The following TRPM6 variants were observed in gnomAD, a reference collection of about 807,000 sequenced individuals.
TRPM6 encodes transient receptor potential cation channel subfamily M member 6.
Under a neutral mutation model 247.6 loss-of-function variants are expected in TRPM6, and 111 were observed. The ratio of observed to expected loss-of-function variants is 0.45; its 90% CI spans 0.38 to 0.52. The LOEUF (loss-of-function observed/expected upper bound fraction) is 0.52. TRPM6 is among the 20% of genes least tolerant of loss of function. The pLI is 0.00. For synonymous variants in TRPM6, 892 were observed against 853.8 expected, an observed-to-expected ratio of 1.04 and a Z score of -0.78; for missense variants, 2,126 against 2,421.5, an observed-to-expected ratio of 0.88 and a Z score of 2.56.
At chr9:74,824,805 A>AC (rs1403860417) in intron 7 of TRPM6, among the ~76,000 whole-genome samples, 2 of 152,208 alleles carry the variant, frequency 1.3e-5, no homozygotes, top group African/African-American at 2.4e-5. Flanking sequence ...TTAGAGTCTT[A>AC]CAAAACAGAA....
intron 23 of TRPM6, among the ~76,000 whole-genome samples, chr9:74,778,715 C>G (rs549765667): frequency 1.3e-5 from 2 of 152,156 alleles, no homozygotes; most frequent in South Asian, 4.1e-4. Flanking sequence ...AGACTTGGCT[C>G]CCACTCAAAA....
intron 3 of TRPM6, among the ~76,000 whole-genome samples, chr9:74,852,998 G>T (rs1042832647): frequency 2.0e-5 from 3 of 152,012 alleles, no homozygotes; most frequent in African/African-American, 4.8e-5. Flanking sequence ...CCCAGTCTGG[G>T]AAGTGAGGAG....
intron 5 of TRPM6, among the ~76,000 whole-genome samples, chr9:74,835,645 T>C (rs1344639713): frequency 6.6e-6 from 1 of 152,154 alleles, no homozygotes; most frequent in Non-Finnish European, 1.5e-5. Flanking sequence ...AGGAATGTTT[T>C]TAGTCCACTT....
intron 1 of TRPM6, among the ~76,000 whole-genome samples, chr9:74,878,312 C>A (rs1452575763): frequency 6.6e-6 from 1 of 152,186 alleles, no homozygotes; most frequent in African/African-American, 2.4e-5. Flanking sequence ...CCTGCAGGCC[C>A]AAGAATCAGC....
intron 33 of TRPM6, 144 bp downstream of exon 33, chr9:74,742,417 T>A (rs1587459337): frequency 3.8e-6 from 3 of 779,910 alleles, no homozygotes; most frequent in Non-Finnish European, 6.5e-6. Flanking sequence ...AGAATTTCCA[T>A]TTTAGGAAAT....
chr9:74,835,923 A>C (rs1406304125), intron 5 of TRPM6, among the ~76,000 whole-genome samples: 1 of 152,160 alleles, frequency 6.6e-6, no homozygotes, highest in Non-Finnish European at 1.5e-5. Flanking sequence ...AGACTGGTAC[A>C]TCTGTTACAA....
intron 1 of TRPM6, among the ~76,000 whole-genome samples, chr9:74,876,857 T>G (rs1225745084): frequency 6.6e-6 from 1 of 152,182 alleles, no homozygotes; most frequent in Non-Finnish European, 1.5e-5. Flanking sequence ...CCTTAGAAAC[T>G]GTATACTAAC....
intron 1 of TRPM6, among the ~76,000 whole-genome samples, chr9:74,880,446 T>C (rs932244980): frequency 1.3e-5 from 2 of 151,976 alleles, no homozygotes; most frequent in Non-Finnish European, 2.9e-5. Context: ...AAAAGAAAAA[T>C]GTCCAGTGAT....
chr9:74,762,927 T>G lies in TRPM6; in HGVS notation c.3744A>C (p.Lys1248Asn), dbSNP rs371871373. The change falls in exon 26 of 39, where the codon AAA becomes AAC. Residue 1248 changes from lysine (K) to asparagine (N), a missense_variant. Physicochemically the swap from Lys to Asn is moderately conservative, Grantham distance 94 (BLOSUM62 0). Coordinates refer to ENST00000360774, the MANE Select transcript of TRPM6 (RefSeq NM_017662.5). ...TGACATTGCTCCAGCTGTGGGGAAG[T>G]TTTTTGCAAGTAGAATGCTTTCTCT... Reference protein sequence around the residue: ...LAKRKHSTCKKLPHSWSNVIC... With the variant: ...LAKRKHSTCKNLPHSWSNVIC... 3.1e-6 allele frequency: 5 copies of G among 1,605,760 alleles called. No homozygotes were observed. The highest frequency in any genetic ancestry group is 4.3e-6 in the Non-Finnish European group (5 of 1,174,688).
At chr9:74,844,959 T>C (rs1365376863) in intron 3 of TRPM6, among the ~76,000 whole-genome samples, 1 of 152,130 alleles carries the variant, frequency 6.6e-6, no homozygotes, top group Non-Finnish European at 1.5e-5. Flanking sequence ...CATCTCAAGG[T>C]AGAGGGAGAG....
intron 38 of TRPM6, among the ~76,000 whole-genome samples, chr9:74,727,934 G>A (rs1318826785): frequency 6.6e-6 from 1 of 152,032 alleles, no homozygotes; most frequent in Non-Finnish European, 1.5e-5. Flanking sequence ...GGGGTGGGGC[G>A]GGGGCAAAGA....
At chr9:74,860,657 C>T (rs1830666942) in intron 1 of TRPM6, among the ~76,000 whole-genome samples, 1 of 152,168 alleles carries the variant, frequency 6.6e-6, no homozygotes, top group Admixed American at 6.5e-5. Context: ...CCACACCCAA[C>T]CCAGAATCAC....
chr9:74,836,468 C>A (rs1283844501), intron 5 of TRPM6, among the ~76,000 whole-genome samples: 2 of 152,192 alleles, frequency 1.3e-5, no homozygotes, highest in African/African-American at 4.8e-5. Flanking sequence ...AACCTGGGAT[C>A]TGGATCACAG....
chr9:74,772,096 C>A (rs1184470926), intron 24 of TRPM6, among the ~76,000 whole-genome samples: 1 of 152,152 alleles, frequency 6.6e-6, no homozygotes, highest in Non-Finnish European at 1.5e-5. Flanking sequence ...TAGAAACCAG[C>A]CTGGGCAACA....
At chr9:74,740,232 A>G (rs540543441) in intron 33 of TRPM6, among the ~76,000 whole-genome samples, 1 of 152,332 alleles carries the variant, frequency 6.6e-6, no homozygotes, top group South Asian at 2.1e-4. Context: ...GACAAATATC[A>G]GAGGATACAA....
chr9:74,800,340 G>A lies in TRPM6; in HGVS notation c.2152C>T (p.Pro718Ser), dbSNP rs530987671. The A allele has an allele frequency of 3.1e-6, 5 of 1,614,004 alleles. No individual in the cohort carries two copies. The highest frequency in any genetic ancestry group is 1.7e-5 in the Admixed American group (1 of 60,004). The change falls in exon 17 of 39, where the codon CCC becomes TCC. Residue 718 changes from proline to serine, a missense_variant. Physicochemically the swap from Pro to Ser is moderately conservative, Grantham distance 74. Around this residue, in one of 3 missense-constraint regions of TRPM6, gnomAD observed 1,082 missense variants for 1,307.9 expected, o/e 0.83. Transcript: ENST00000360774. ...TGGGTACAAGTATGTGAAACAAAGG[G>A]TCGTAATCCTCCCGACACGGCCAGT... ...LKLAVSGGLR[P>S]FVSHTCTQML...
At chr9:74,803,735 A>C (rs1327844418) in intron 15 of TRPM6, 59 bp downstream of exon 15, 2 of 1,183,000 alleles carry the variant, frequency 1.7e-6, no homozygotes, top group African/African-American at 1.5e-5. Context: ...TAAATGAAGA[A>C]ACAGTCTCGA....
chr9:74,749,570 G>A (rs999435837), intron 30 of TRPM6, among the ~76,000 whole-genome samples: 2 of 152,184 alleles, frequency 1.3e-5, no homozygotes, highest in African/African-American at 2.4e-5. Flanking sequence ...ATTAGCCCAC[G>A]TGGCTGCTAA....
rs776483035 is a variant in TRPM6 at position 74,858,760 on chromosome 9, G to C, written c.34-12C>G. 1 of 1,599,620 alleles carries C rather than the reference G, an allele frequency of 6.3e-7. No individual in the cohort carries two copies. Among genetic ancestry groups the C allele is most frequent in the Non-Finnish European group, 8.6e-7 (1 of 1,167,540 alleles). ...CAGGATTTCTGGGACTAAAAAGAAA[G>C]TGTCATTATTTTATACTCTAATTAT... On this transcript the variant is annotated splice_polypyrimidine_tract_variant and intron_variant, in intron 1 of 38. Transcript: ENST00000360774.
Sources: allele counts gnomAD v4.1 joint callset (sites outside exome capture counted in the v4.1 genomes callset), GRCh38; gene constraint gnomAD v4.1.1; regional missense constraint gnomAD v4.1.1; transcripts MANE v1.5; gene names NCBI Gene and HGNC (gene_info 2026-07-23, HGNC 2026-07-21).